CDC42BPB: variants seen among roughly 807,000 people sequenced by gnomAD.
CDC42BPB encodes the protein serine/threonine-protein kinase MRCK beta.
CDC42BPB carries 37 observed loss-of-function variants against 214.9 expected under a neutral mutation model. The ratio of observed to expected loss-of-function variants is 0.17; its 90% CI spans 0.13 to 0.23. The LOEUF (loss-of-function observed/expected upper bound fraction) is 0.23, where lower values mean the gene tolerates loss of function less well. Among genes scored for constraint, CDC42BPB ranks in the 10% least tolerant of loss-of-function variants. The pLI is 1.00. For synonymous variants in CDC42BPB, 931 were observed against 884.0 expected (o/e 1.05, Z -0.94); for missense variants, 1,694 against 2,227.0 (o/e 0.76, Z 4.82).
intron 24 of CDC42BPB, among the ~76,000 whole-genome samples, chr14:102,951,924 C>T (rs934880041): frequency 6.6e-6 from 1 of 152,218 alleles, no homozygotes; most frequent in Admixed American, 6.5e-5. Context: ...TCTAGAACAG[C>T]TGCAGATGAT....
At position 102,992,946 on chromosome 14, in the gene CDC42BPB, A is replaced by T. The variant is rs1449278929; in HGVS notation, c.597-6366T>A. ...TGGGTTCAAGCGATTCTCATACCTC[A>T]GCCTCCCAAGTAGCCGGGATTACAG... is the stretch of plus-strand genomic sequence containing the variant. On this transcript the variant is annotated intron_variant, in intron 5 of 36. Transcript: ENST00000361246. Among the ~76,000 whole-genome samples, 8 of 151,960 alleles carry T rather than the reference A, an allele frequency of 5.3e-5. No homozygotes were observed. In the South Asian group the frequency reaches 1.7e-3, roughly 32 times the overall value.
At chr14:102,996,702 C>T in intron 5 of CDC42BPB, among the ~76,000 whole-genome samples, 1 of 151,018 alleles carries the variant, frequency 6.6e-6, no homozygotes, top group Middle Eastern at 3.2e-3. Flanking sequence ...ATCCTAGCTA[C>T]TCGGGAGGCT....
chr14:102,933,905 C>A (rs1024631415), intron 36 of CDC42BPB, 62 bp from the exon 37 acceptor site: 149 of 1,458,508 alleles, frequency 1.0e-4, no homozygotes, highest in Non-Finnish European at 1.3e-4. Context: ...GCACGCGTGC[C>A]CAGCTGGATG....
intron 17 of CDC42BPB, 176 bp from the exon 18 acceptor site, chr14:102,966,563 T>C (rs1023785107): frequency 8.2e-6 from 8 of 974,476 alleles, no homozygotes; most frequent in Non-Finnish European, 8.5e-6. Flanking sequence ...CGTCGTTACA[T>C]TGCACATGAC....
intron 8 of CDC42BPB, 107 bp from the exon 9 acceptor site, chr14:102,978,312 G>A: frequency 6.5e-7 from 1 of 1,547,828 alleles, no homozygotes. Context: ...GGCAGAACAT[G>A]TGGCCTTGGA....
Position 103,049,241 on chromosome 14 carries a change from C to T in CDC42BPB, c.175+7758G>A, listed in dbSNP as rs1337864394. On this transcript the variant is annotated intron_variant, in intron 1 of 36. Coordinates refer to ENST00000361246, the MANE Select transcript of CDC42BPB (RefSeq NM_006035.4). ...AATTTAAGGCAGGCATTGCTAAGCA[C>T]CCACCAATATCCAAGGATCTTCTAT... Among the ~76,000 whole-genome samples the T allele has an allele frequency of 2.6e-5, 4 of 152,218 alleles. No individual in the cohort carries two copies. The East Asian group carries it at 7.7e-4, about 29-fold the overall frequency.
chr14:103,045,802 C>T (rs757709059), intron 1 of CDC42BPB, among the ~76,000 whole-genome samples: 4 of 152,154 alleles, frequency 2.6e-5, no homozygotes, highest in Admixed American at 6.6e-5. Context: ...ACCACAGCGG[C>T]GCATAATCAC....
rs200118807 is a variant in CDC42BPB, at chr14:102,981,060, G to A, written c.892-39C>T. 7.7e-4 allele frequency: 1,241 copies of A among 1,612,800 alleles called. 3 individuals are homozygous for A. The highest frequency in any genetic ancestry group is 1.1e-3 in the South Asian group (99 of 90,916). On this transcript the variant is annotated intron_variant, in intron 7 of 36. Transcript: ENST00000361246. Reference sequence around the variant, plus strand: ...CAAAAACACCGGTGGACAGGTGGACGCATTCAGAGAGTTTAAGGTGTACAG... The same window carrying A: ...CAAAAACACCGGTGGACAGGTGGACACATTCAGAGAGTTTAAGGTGTACAG...
chr14:103,013,845 T>G (rs1429190903), intron 1 of CDC42BPB, among the ~76,000 whole-genome samples: 1 of 152,152 alleles, frequency 6.6e-6, no homozygotes, highest in African/African-American at 2.4e-5. Flanking sequence ...CCCCCCACTT[T>G]GTGGCAACTG....
rs12590961 is a variant in CDC42BPB at position 102,949,759 on chromosome 14, G to A, written c.3449+6C>T. The A allele has an allele frequency of 0.12, 192,301 of 1,613,056 alleles. 12,684 individuals carry two copies. The highest frequency in any genetic ancestry group is 0.26 in the East Asian group (11,554 of 44,850). On this transcript the variant is annotated splice_donor_region_variant and intron_variant, in intron 26 of 36. Transcript: ENST00000361246. ...AGAGCAAGGACAGTGCTGCCCAAAC[G>A]CAGACCTGAGATCCAAGACTTGGCT...
At chr14:102,976,799 AGAG>A (rs1317557874) in intron 9 of CDC42BPB, among the ~76,000 whole-genome samples, 2 of 152,322 alleles carry the variant, frequency 1.3e-5, no homozygotes, top group East Asian at 3.9e-4. Context: ...GGATCTGTCA[AGAG>A]GAGAGCTCTA....
chr14:102,984,276 T>C lies in CDC42BPB; in HGVS notation c.691-520A>G, dbSNP rs562451769. On this transcript the variant is annotated intron_variant, in intron 6 of 36. Transcript: ENST00000361246. Reference sequence around the variant, plus strand: ...CCACATGTGCACAGGCCAGCCTTTCTGATTTTCATGTGCAGCACGCAGGGA... The same window carrying C: ...CCACATGTGCACAGGCCAGCCTTTCCGATTTTCATGTGCAGCACGCAGGGA... 2.6e-5 allele frequency among the ~76,000 whole-genome samples: 4 copies of C among 152,290 alleles called. No individual in the cohort carries two copies. In the East Asian group the frequency reaches 7.7e-4, roughly 29 times the overall value.
At chr14:102,964,983 T>C (rs1352820437) in intron 18 of CDC42BPB, among the ~76,000 whole-genome samples, 1 of 152,064 alleles carries the variant, frequency 6.6e-6, no homozygotes, top group Non-Finnish European at 1.5e-5. Context: ...TGGAGTGCAA[T>C]GGCGTGATCT....
Position 102,970,253 on chromosome 14 carries a change from A to C in CDC42BPB, c.1893T>G (p.Ala631=). ...CCTCAGCAACAGCATCATCAAGCTG[A>C]GCTTCCAGCTACAAAAGGAAGATCC... ...RAEKLRKELE[A]QLDDAVAEAS... Residue 631 remains alanine (A), a synonymous_variant, in exon 14 of 37, where the codon GCT becomes GCG. Coordinates refer to ENST00000361246, the MANE Select transcript of CDC42BPB (RefSeq NM_006035.4). The C allele has an allele frequency of 1.2e-6, 2 of 1,612,040 alleles. No individual in the cohort carries two copies. The highest frequency in any genetic ancestry group is 1.7e-6 in the Non-Finnish European group (2 of 1,179,152).
intron 14 of CDC42BPB, 195 bp from the exon 15 acceptor site, chr14:102,968,911 C>G (rs895626994): frequency 1.0e-6 from 1 of 985,248 alleles, no homozygotes; most frequent in African/African-American, 1.7e-5. Context: ...GACGGCCTTG[C>G]AGGGGGATGT....
chr14:102,960,354 C>T (rs1450138719), intron 20 of CDC42BPB, among the ~76,000 whole-genome samples: 4 of 152,144 alleles, frequency 2.6e-5, no homozygotes, highest in Non-Finnish European at 5.9e-5. Flanking sequence ...CAGTGGTTCA[C>T]ACCTGTCATC....
At chr14:103,016,945 C>T (rs1367723432) in intron 1 of CDC42BPB, among the ~76,000 whole-genome samples, 2 of 152,108 alleles carry the variant, frequency 1.3e-5, no homozygotes, top group African/African-American at 2.4e-5. Context: ...GTCAGGAAAC[C>T]GCAAGGTGAG....
At chr14:102,954,729 A>C in intron 21 of CDC42BPB, 41 bp from the exon 22 acceptor site, 1 of 1,586,604 alleles carries the variant, frequency 6.3e-7, no homozygotes, top group Non-Finnish European at 8.6e-7. Flanking sequence ...GAAAGGACAT[A>C]TTCTACATGA....
intron 8 of CDC42BPB, chr14:102,978,447 T>C (rs753242493): frequency 1.6e-4 from 81 of 521,754 alleles, no homozygotes; most frequent in Admixed American, 6.4e-5. Flanking sequence ...ATTTCGATGA[T>C]GACAGTGGCA....
Sources: allele counts gnomAD v4.1 joint callset (sites outside exome capture counted in the v4.1 genomes callset), GRCh38; gene constraint gnomAD v4.1.1; transcripts MANE v1.5; gene names NCBI Gene and HGNC (gene_info 2026-07-23, HGNC 2026-07-21).